The following MCF2L variants were observed in gnomAD, a reference collection of about 807,000 sequenced individuals.
MCF2L encodes the protein MCF.2 cell line derived transforming sequence like, also known as guanine nucleotide exchange factor DBS.
A neutral mutation model predicts 153.4 loss-of-function variants in MCF2L; 97 were observed. That is an observed-to-expected ratio of 0.63 (90% CI 0.54 to 0.75). MCF2L has a LOEUF of 0.75. MCF2L is among the 30% of genes least tolerant of loss of function. The pLI, the probability that MCF2L is intolerant of heterozygous loss-of-function variation, is 0.00. For synonymous variants in MCF2L, 659 were observed against 632.2 expected (o/e 1.04, Z -0.64); for missense variants, 1,347 against 1,495.2 (o/e 0.90, Z 1.64).
chr13:113,013,078 C>T (rs887732861), intron 1 of MCF2L, among the ~76,000 whole-genome samples: 13 of 152,160 alleles, frequency 8.5e-5, no homozygotes, highest in African/African-American at 3.1e-4. Flanking sequence ...AGGTCACAGT[C>T]GCTCCTGGTG....
At chr13:113,005,927 G>C (rs542831886) in intron 1 of MCF2L, among the ~76,000 whole-genome samples, 235 of 152,326 alleles carry the variant, frequency 1.5e-3, no homozygotes, top group Non-Finnish European at 2.6e-3. Flanking sequence ...GCCAGCCAAG[G>C]GCTCCGTTCA....
chr13:112,899,704 C>T (rs2081102143), intron 1 of MCF2L, among the ~76,000 whole-genome samples: 1 of 152,222 alleles, frequency 6.6e-6, no homozygotes, highest in African/African-American at 2.4e-5. Flanking sequence ...CAGGGGTCCT[C>T]AGGACCCCGG....
At chr13:112,953,069 G>A (rs2081713090) in intron 2 of MCF2L, among the ~76,000 whole-genome samples, 1 of 152,178 alleles carries the variant, frequency 6.6e-6, no homozygotes, top group South Asian at 2.1e-4. Context: ...GCCTGGACTT[G>A]GGCCCCACTC....
At chr13:112,899,492 A>G (rs989170318) in intron 1 of MCF2L, among the ~76,000 whole-genome samples, 3 of 152,244 alleles carry the variant, frequency 2.0e-5, no homozygotes, top group African/African-American at 4.8e-5. Flanking sequence ...TCTTGCCCTC[A>G]GGAAAACCCA....
intron 2 of MCF2L, among the ~76,000 whole-genome samples, chr13:112,939,444 AG>A (rs996188909): frequency 8.5e-5 from 13 of 152,172 alleles, no homozygotes; most frequent in African/African-American, 2.9e-4. Context: ...CTCCCACACC[AG>A]GGGACAAAGT....
At chr13:112,900,528 G>A (rs2081109621) in intron 1 of MCF2L, among the ~76,000 whole-genome samples, 1 of 152,228 alleles carries the variant, frequency 6.6e-6, no homozygotes, top group Non-Finnish European at 1.5e-5. Flanking sequence ...AACACTGAGG[G>A]GTGAGTGTTT....
At chr13:112,909,272 A>T (rs1462760675) in intron 2 of MCF2L, 1 of 779,664 alleles carries the variant, frequency 1.3e-6, no homozygotes, top group African/African-American at 1.7e-5. Context: ...CATCTCGTCC[A>T]CAGTGAGCTG....
Position 113,070,459 on chromosome 13 carries a change from C to T in MCF2L, c.996+286C>T, listed in dbSNP as rs1171268686. The T allele has an allele frequency of 4.3e-6, 1 of 233,740 alleles. No individual in the cohort carries two copies. The highest frequency in any genetic ancestry group is 2.3e-5 in the African/African-American group (1 of 42,864). The allele number at this position is 233,740 out of a possible 1,614,324, so 14.5% of individuals were successfully genotyped here. On this transcript the variant is annotated intron_variant, in intron 9 of 29. Transcript: ENST00000535094. This position sits in a 1 kb window ranked among gnomAD's most constrained non-coding sequence, Gnocchi z 5.6. Reference sequence around the variant, plus strand: ...AAAGTAGCAGGAAGCCTTTGCTCTCCCTTCATAGTCATTTGCATGCCCTTT... The same window carrying T: ...AAAGTAGCAGGAAGCCTTTGCTCTCTCTTCATAGTCATTTGCATGCCCTTT...
At position 112,943,535 on chromosome 13, in the gene MCF2L, C is replaced by T. The variant is rs986950500; in HGVS notation, c.169+41164C>T. Among the ~76,000 whole-genome samples the T allele has an allele frequency of 1.3e-5, 2 of 152,046 alleles. No homozygotes were observed. The highest frequency in any genetic ancestry group is 4.1e-4 in the South Asian group (2 of 4,824). On this transcript the variant is annotated intron_variant, in intron 2 of 29. Coordinates refer to the MCF2L transcript ENST00000375608. This position sits in a 1 kb window ranked among gnomAD's most constrained non-coding sequence, Gnocchi z 4.2. ...CCCGGCGCGGTGCCTTCCAGGGAGG[C>T]TGCGCCTGCAGCACCGCAGCCAGAG...
chr13:113,093,148 C>T (rs971308435), intron 26 of MCF2L, among the ~76,000 whole-genome samples: 7 of 152,362 alleles, frequency 4.6e-5, no homozygotes, highest in African/African-American at 1.4e-4. Context: ...GCCCCACAGG[C>T]CAGTCCCTGC....
chr13:113,022,544 T>C (rs1395222222), intron 2 of MCF2L, among the ~76,000 whole-genome samples: 1 of 152,168 alleles, frequency 6.6e-6, no homozygotes, highest in African/African-American at 2.4e-5. Context: ...CCCCTGAACG[T>C]TCCCCCCAGG....
chr13:113,070,624 T>TCCCTCCCAGTCCTC lies in MCF2L; in HGVS notation c.996+457_996+458insCAGTCCTCCCCTCC, dbSNP rs56726478. On this transcript the variant is annotated intron_variant, in intron 9 of 29. Transcript: ENST00000535094. The surrounding 1 kb of genome is among the most constrained non-coding windows in gnomAD (Gnocchi z 5.6). Reference sequence around the variant, plus strand: ...GCGGCCCTTCGTGGACTCACCCATGTCCCTCCTCAGCCCCCGGCAACCACT... The same window carrying TCCCTCCCAGTCCTC: ...GCGGCCCTTCGTGGACTCACCCATGTCCCTCCCAGTCCTCCCCTCCTCAGCCCCCGGCAACCACT... Among the ~76,000 whole-genome samples, 1 of 152,050 alleles carries TCCCTCCCAGTCCTC rather than the reference T, an allele frequency of 6.6e-6. No homozygotes were observed. Among genetic ancestry groups the TCCCTCCCAGTCCTC allele is most frequent in the South Asian group, 2.1e-4 (1 of 4,820 alleles).
intron 1 of MCF2L, among the ~76,000 whole-genome samples, chr13:112,972,762 G>GGT (rs2140839681): frequency 1.0e-3 from 1 of 992 alleles, no homozygotes; most frequent in Non-Finnish European, 1.7e-3. Context: ...GATGGATGGA[G>GGT]GGAGGGAGGG....
At chr13:112,990,924 G>A (rs1372751854) in intron 1 of MCF2L, among the ~76,000 whole-genome samples, 3 of 152,226 alleles carry the variant, frequency 2.0e-5, no homozygotes, top group South Asian at 2.1e-4. Flanking sequence ...CTGAAAACCC[G>A]CTGCCTCCTC....
chr13:113,053,265 C>A lies in MCF2L; in HGVS notation c.370-7328C>A, dbSNP rs569263662. 6.9e-4 allele frequency among the ~76,000 whole-genome samples: 105 copies of A among 152,228 alleles called. No homozygotes were observed. Among genetic ancestry groups the A allele is most frequent in the Admixed American group, 2.6e-3 (39 of 15,288 alleles). ...CAGGTCCAGTGAAGGACGGCGCCCC[C>A]GTCAGCTGTCCACCCTTCTCAGTCG... On this transcript the variant is annotated intron_variant, in intron 4 of 29. Transcript: ENST00000535094. The surrounding 1 kb of genome is among the most constrained non-coding windows in gnomAD (Gnocchi z 4.4).
intron 2 of MCF2L, among the ~76,000 whole-genome samples, chr13:112,948,792 A>G (rs1376622736): frequency 1.3e-5 from 2 of 152,246 alleles, no homozygotes; most frequent in Non-Finnish European, 2.9e-5. Flanking sequence ...GTGGCTGGGC[A>G]TGGTCACTCA....
At chr13:113,095,732 C>T (rs1037957114) in intron 27 of MCF2L, 16 of 995,116 alleles carry the variant, frequency 1.6e-5, no homozygotes, top group Non-Finnish European at 1.9e-5. Context: ...CCCTCCGCAG[C>T]CCACCACACG....
chr13:112,961,828 T>C (rs1372705361), intron 2 of MCF2L, among the ~76,000 whole-genome samples: 1 of 152,202 alleles, frequency 6.6e-6, no homozygotes, highest in Non-Finnish European at 1.5e-5. Flanking sequence ...GATGGCCTGC[T>C]GGGGTACGGA....
At chr13:113,033,338 G>A (rs1291412964) in intron 3 of MCF2L, among the ~76,000 whole-genome samples, 8 of 108,628 alleles carry the variant, frequency 7.4e-5, no homozygotes, top group Non-Finnish European at 9.1e-5. Flanking sequence ...AGTGGCCCCC[G>A]TGACATTAGT....
Sources: allele counts gnomAD v4.1 joint callset (sites outside exome capture counted in the v4.1 genomes callset), GRCh38; gene constraint gnomAD v4.1.1; non-coding constraint Gnocchi (gnomAD v3.1); transcripts MANE v1.5; gene names NCBI Gene and HGNC (gene_info 2026-07-23, HGNC 2026-07-21).